Variants in CFAP43 observed in about 807,000 individuals in gnomAD.
CFAP43 encodes cilia- and flagella-associated protein 43.
CFAP43 carries 155 observed loss-of-function variants against 218.9 expected under a neutral mutation model. That is an observed-to-expected ratio of 0.71 (90% CI 0.62 to 0.81). CFAP43 has a LOEUF of 0.81. Among genes scored for constraint, CFAP43 ranks in the 30% least tolerant of loss-of-function variants. CFAP43 has a pLI of 0.00. For missense variants in CFAP43, 1,778 were observed against 1,954.3 expected (o/e 0.91, Z 1.70); for synonymous variants, 645 against 681.3 (o/e 0.95, Z 0.83).
intron 2 of CFAP43, among the ~76,000 whole-genome samples, chr10:104,228,360 T>C (rs1192602790): frequency 5.9e-5 from 9 of 152,162 alleles, no homozygotes. Context: ...TCAGCTTTTA[T>C]ATACTTTAGA....
intron 5 of CFAP43, among the ~76,000 whole-genome samples, chr10:104,210,744 T>C (rs1256627141): frequency 2.0e-5 from 3 of 150,616 alleles, no homozygotes; most frequent in African/African-American, 7.3e-5. Flanking sequence ...CTTTTTCCCT[T>C]AGGGCCTTGC....
intron 32 of CFAP43, 37 bp downstream of exon 32, chr10:104,143,389 T>C (rs2087798477): frequency 6.4e-7 from 1 of 1,551,470 alleles, no homozygotes. Context: ...TTGATATTAG[T>C]ACACTAAAAA....
intron 21 of CFAP43, among the ~76,000 whole-genome samples, chr10:104,168,015 T>C (rs1008411547): frequency 1.3e-5 from 2 of 152,182 alleles, no homozygotes; most frequent in African/African-American, 4.8e-5. Context: ...TCCCTATCCT[T>C]TGCCCCCAAG....
At position 104,212,213 on chromosome 10, in the gene CFAP43, C is replaced by T. The variant is rs1197055000; in HGVS notation, c.585-56G>A. On this transcript the variant is annotated intron_variant, in intron 4 of 37. Transcript: ENST00000357060. ...GATGAACAGAAACTTCTTATTGATGCAACCACTGCATATCAGTTTAAGTGA... is the reference window on the plus strand; with the variant it reads ...GATGAACAGAAACTTCTTATTGATGTAACCACTGCATATCAGTTTAAGTGA... 1.9e-6 allele frequency: 3 copies of T among 1,553,418 alleles called. No individual in the cohort carries two copies. In the African/African-American group the frequency reaches 4.1e-5, roughly 21 times the overall value.
intron 28 of CFAP43, among the ~76,000 whole-genome samples, chr10:104,151,002 T>C (rs2088226546): frequency 6.6e-6 from 1 of 152,188 alleles, no homozygotes; most frequent in South Asian, 2.1e-4. Context: ...ATATTTGGTT[T>C]TCTGTTCCTG....
rs369875396 is a variant in CFAP43 at position 104,167,679 on chromosome 10, T to A, written c.2750A>T (p.Glu917Val). ...NFPMKARTVE[E>V]LKELERVLQQ... ...TAAAACTCTTTCCAATTCTTTCAGC[T>A]CTTCAACCGTGCGCGCTTTCATCGG... Residue 917 changes from glutamate to valine, a missense_variant, in exon 22 of 38, where the codon GAG (glutamate) becomes GTG (valine). Physicochemically the swap from Glu to Val is moderately radical, Grantham distance 121. Transcript: ENST00000357060. 1.2e-6 allele frequency: 2 copies of A among 1,612,604 alleles called. No individual in the cohort carries two copies. The highest frequency in any genetic ancestry group is 2.7e-5 in the African/African-American group (2 of 74,854).
intron 2 of CFAP43, among the ~76,000 whole-genome samples, chr10:104,226,923 C>A (rs1339791695): frequency 2.6e-5 from 4 of 152,030 alleles, no homozygotes; most frequent in African/African-American, 9.7e-5. Context: ...GAGGCTGAGG[C>A]AGGCGAATCG....
At chr10:104,201,229 G>A (rs1231240108) in intron 8 of CFAP43, among the ~76,000 whole-genome samples, 1 of 151,972 alleles carries the variant, frequency 6.6e-6, no homozygotes, top group African/African-American at 2.4e-5. Flanking sequence ...TTTATCTTTA[G>A]TAATGATTTT....
chr10:104,168,357 C>A (rs1340644692), intron 21 of CFAP43, among the ~76,000 whole-genome samples: 1 of 152,164 alleles, frequency 6.6e-6, no homozygotes, highest in East Asian at 1.9e-4. Context: ...TGGAGGGAAT[C>A]TCAATGAGAA....
At chr10:104,220,489 G>T (rs922754717) in intron 3 of CFAP43, among the ~76,000 whole-genome samples, 1 of 151,878 alleles carries the variant, frequency 6.6e-6, no homozygotes. Context: ...ATCAATGAAA[G>T]CTATAAAAGA....
At chr10:104,132,508 G>A (rs566356337) in intron 35 of CFAP43, 6 of 407,582 alleles carry the variant, frequency 1.5e-5, no homozygotes, top group East Asian at 1.6e-4. Context: ...CAGCTGCTCC[G>A]GGAGGGTGAG....
intron 13 of CFAP43, 130 bp downstream of exon 13, chr10:104,188,140 T>G: frequency 8.3e-7 from 1 of 1,199,300 alleles, no homozygotes; most frequent in Non-Finnish European, 1.1e-6. Flanking sequence ...GGTTTTACTT[T>G]GTAAAGATAG....
chr10:104,226,949 C>T (rs7098122), intron 2 of CFAP43, among the ~76,000 whole-genome samples: 71,394 of 151,546 alleles, frequency 0.47, 17,761 homozygotes, highest in African/African-American at 0.65. Flanking sequence ...ACCTGGGAGG[C>T]GGAAGTTGCA....
intron 34 of CFAP43, among the ~76,000 whole-genome samples, chr10:104,138,936 T>C (rs778504067): frequency 6.6e-6 from 1 of 152,170 alleles, no homozygotes; most frequent in Non-Finnish European, 1.5e-5. Flanking sequence ...AAAACAAAAA[T>C]TTTTGGAAAG....
At chr10:104,222,381 G>A (rs1396854092) in intron 3 of CFAP43, among the ~76,000 whole-genome samples, 6 of 152,276 alleles carry the variant, frequency 3.9e-5, no homozygotes, top group East Asian at 3.9e-4. Context: ...TGCAGCACCC[G>A]AGGGTGCCAT....
chr10:104,162,099 G>A (rs1259046166), intron 25 of CFAP43, 58 bp from the exon 26 acceptor site: 18 of 1,537,040 alleles, frequency 1.2e-5, no homozygotes, highest in Admixed American at 5.4e-5. Context: ...CATTCCAGGT[G>A]GCTCCAGAGG....
At chr10:104,143,350 G>T in intron 32 of CFAP43, 76 bp downstream of exon 32, 1 of 1,282,310 alleles carries the variant, frequency 7.8e-7, no homozygotes, top group Non-Finnish European at 1.1e-6. Context: ...TAGCTTTTTT[G>T]GTTACACTGA....
At chr10:104,211,486 C>A (rs1426677001) in intron 5 of CFAP43, among the ~76,000 whole-genome samples, 1 of 152,194 alleles carries the variant, frequency 6.6e-6, no homozygotes, top group Non-Finnish European at 1.5e-5. Flanking sequence ...TTTCCTACGG[C>A]CTTGTTCCTC....
chr10:104,132,616 A>G, intron 35 of CFAP43: 1 of 985,252 alleles, frequency 1.0e-6, no homozygotes, highest in African/African-American at 1.7e-5. Flanking sequence ...CCCCATCTCA[A>G]AAAAAACAAA....
Sources: gnomAD v4.1 joint callset for allele counts (sites outside exome capture counted in the v4.1 genomes callset) on GRCh38, gnomAD v4.1.1 for gene constraint, MANE v1.5 for transcripts, NCBI Gene and HGNC (gene_info 2026-07-23, HGNC 2026-07-21) for gene names.